The following TNFAIP6 variants were observed in gnomAD, a reference collection of about 807,000 sequenced individuals.
TNFAIP6 encodes the protein tumor necrosis factor-inducible gene 6 protein.
Under a neutral mutation model 33.7 loss-of-function variants are expected in TNFAIP6, and 36 were observed. The observed-to-expected ratio is 1.07, with a 90% confidence interval of 0.82 to 1.41. The LOEUF (loss-of-function observed/expected upper bound fraction) is 1.41. Ranked by LOEUF, TNFAIP6 falls within the 40% of genes most tolerant of loss-of-function variation. TNFAIP6 has a pLI of 0.00. For missense variants in TNFAIP6, 273 were observed against 331.9 expected (o/e 0.82, Z 1.38); for synonymous variants, 113 against 112.8 (o/e 1.00, Z -0.01).
At chr2:151,367,039 G>T (rs1684724889) in intron 3 of TNFAIP6, among the ~76,000 whole-genome samples, 1 of 152,128 alleles carries the variant, frequency 6.6e-6, no homozygotes, top group Non-Finnish European at 1.5e-5. Flanking sequence ...AACATCCTCA[G>T]ATGTGTCCCA....
downstream of TNFAIP6, among the ~76,000 whole-genome samples, chr2:151,381,142 C>G (rs1424925065): frequency 6.6e-6 from 1 of 152,018 alleles, no homozygotes; most frequent in Non-Finnish European, 1.5e-5. Flanking sequence ...CATCTTCCCT[C>G]TTGCCCCAAG....
At chr2:151,381,193 C>T (rs1223614895), downstream of TNFAIP6, among the ~76,000 whole-genome samples, 4 of 152,042 alleles carry the variant, frequency 2.6e-5, no homozygotes, top group South Asian at 2.1e-4. Context: ...CAGAATTCAC[C>T]GGGCGCAGTG....
In TNFAIP6 at chr2:151,369,501, C is replaced by A. The variant is rs987305024; in HGVS notation, c.395-519C>A. On this transcript the variant is annotated intron_variant, in intron 3 of 5. Coordinates refer to ENST00000243347, the MANE Select transcript of TNFAIP6 (RefSeq NM_007115.4). ...CTTTTTTAAAATTCATGGCTGGGCA[C>A]AGTGGCTCATGTTTATAATCTCAGC... Among the ~76,000 whole-genome samples, 14 of 152,148 alleles carry A rather than the reference C, an allele frequency of 9.2e-5. 1 individual carries two copies. The highest frequency in any genetic ancestry group is 6.2e-4 in the South Asian group (3 of 4,816).
intron 5 of TNFAIP6, among the ~76,000 whole-genome samples, chr2:151,375,592 C>T (rs1453983019): frequency 6.6e-6 from 1 of 152,030 alleles, no homozygotes; most frequent in Non-Finnish European, 1.5e-5. Context: ...CCTGTAGTCC[C>T]AGCCACTTGG....
At position 151,379,488 on chromosome 2, in the gene TNFAIP6, T is replaced by G. The variant is rs780170404; in HGVS notation, c.789T>G (p.Ser263=). The G allele has an allele frequency of 6.3e-7, 1 of 1,583,036 alleles. No individual in the cohort carries two copies. The highest frequency in any genetic ancestry group is 1.2e-5 in the South Asian group (1 of 85,070). ...AAGGAAAAAATACAAGTACTACTTC[T>G]ACTGGAAATAAAAACTTTTTAGCTG... ...SSQGKNTSTT[S]TGNKNFLAGR... is the part of the protein sequence containing the mutation. The change falls in exon 6 of 6, where the codon TCT becomes TCG. Residue 263 remains serine (S), a synonymous_variant. Coordinates refer to ENST00000243347, the MANE Select transcript of TNFAIP6 (RefSeq NM_007115.4).
At chr2:151,370,326 T>C (rs1040247009) in intron 4 of TNFAIP6, 78 bp downstream of exon 4, 28 of 1,041,716 alleles carry the variant, frequency 2.7e-5, no homozygotes, top group Non-Finnish European at 4.0e-5. Context: ...TTCCCTCAAC[T>C]GTCCCTATAA....
At chr2:151,370,470 C>A (rs139736112) in intron 4 of TNFAIP6, among the ~76,000 whole-genome samples, 4 of 149,784 alleles carry the variant, frequency 2.7e-5, no homozygotes, top group African/African-American at 1.0e-4. Flanking sequence ...GTTGTAAGAA[C>A]TAGTTAGTCT....
intron 5 of TNFAIP6, 45 bp downstream of exon 5, chr2:151,373,634 C>CAT: frequency 8.1e-7 from 1 of 1,227,716 alleles, no homozygotes; most frequent in African/African-American, 1.5e-5. Flanking sequence ...TGTTTCTTTA[C>CAT]AGTGTCCCTG....
At chr2:151,376,463 A>AATC (rs1403804102) in intron 5 of TNFAIP6, among the ~76,000 whole-genome samples, 4 of 151,692 alleles carry the variant, frequency 2.6e-5, no homozygotes, top group Admixed American at 6.6e-5. Flanking sequence ...AATTGTCCAT[A>AATC]ATCCTACCAC....
intron 1 of TNFAIP6, among the ~76,000 whole-genome samples, chr2:151,363,531 G>A (rs960836282): frequency 1.8e-4 from 27 of 150,126 alleles, no homozygotes; most frequent in African/African-American, 5.6e-4. Flanking sequence ...GCGTGATGGC[G>A]GGCACCTGTA....
Position 151,366,198 on chromosome 2 carries a change from C to T in TNFAIP6, c.375C>T (p.Ala125=), listed in dbSNP as rs2152014293. 1 of 1,614,032 alleles carries T rather than the reference C, an allele frequency of 6.2e-7. No individual in the cohort carries two copies. The highest frequency in any genetic ancestry group is 2.2e-5 in the East Asian group (1 of 44,872). ...TCAATAGGAGTGAAAGATGGGATGC[C>T]TATTGCTACAACCCACACGGTGTGT... ...IRLNRSERWD[A]YCYNPHAKEC... Residue 125 remains alanine, a synonymous_variant, in exon 3 of 6, where the codon GCC becomes GCT. Coordinates refer to ENST00000243347, the MANE Select transcript of TNFAIP6 (RefSeq NM_007115.4).
intron 2 of TNFAIP6, among the ~76,000 whole-genome samples, chr2:151,364,454 A>G (rs1684678999): frequency 6.6e-6 from 1 of 152,220 alleles, no homozygotes; most frequent in Admixed American, 6.5e-5. Flanking sequence ...ATAGTACTAT[A>G]TTGAGTCTTA....
Position 151,376,355 on chromosome 2 carries a change from G to C in TNFAIP6, c.664+2766G>C, listed in dbSNP as rs13389461. On this transcript the variant is annotated intron_variant, in intron 5 of 5. Coordinates refer to ENST00000243347, the MANE Select transcript of TNFAIP6 (RefSeq NM_007115.4). ...ATCACCTCAGTCCAGGGAGGTCAAG[G>C]CTGTAGTGAGCCATGATCATGCCAC... is the stretch of plus-strand genomic sequence containing the variant. Among the ~76,000 whole-genome samples the C allele has an allele frequency of 7.3e-3, 1,100 of 151,278 alleles. 16 individuals carry two copies. The highest frequency in any genetic ancestry group is 0.026 in the African/African-American group (1,053 of 41,184).
chr2:151,363,700 C>CA (rs1365146951), intron 1 of TNFAIP6, among the ~76,000 whole-genome samples: 2 of 151,974 alleles, frequency 1.3e-5, no homozygotes, highest in East Asian at 1.9e-4. Context: ...ACCAAACAAA[C>CA]AAAAAAACAT....
rs577745254 is a variant in TNFAIP6 at position 151,369,223 on chromosome 2, A to G, written c.395-797A>G. 1.6e-4 allele frequency among the ~76,000 whole-genome samples: 24 copies of G among 152,324 alleles called. No homozygotes were observed. In the South Asian group the frequency reaches 5.0e-3, roughly 32 times the overall value. ...ACAACAACAAAAAATAGGCGTGTGC[A>G]CAAAAGACTTGTTATGTTATGCCTT... On this transcript the variant is annotated intron_variant, in intron 3 of 5. Coordinates refer to ENST00000243347, the MANE Select transcript of TNFAIP6 (RefSeq NM_007115.4).
At chr2:151,380,653 T>A (rs1459779329), downstream of TNFAIP6, among the ~76,000 whole-genome samples, 2 of 152,176 alleles carry the variant, frequency 1.3e-5, no homozygotes, top group Non-Finnish European at 2.9e-5. Flanking sequence ...AGCAGACTGG[T>A]TGTTTCAAAG....
At chr2:151,378,078 T>TCA (rs1170222357) in intron 5 of TNFAIP6, among the ~76,000 whole-genome samples, 5 of 152,130 alleles carry the variant, frequency 3.3e-5, no homozygotes, top group African/African-American at 1.2e-4. Flanking sequence ...CTGCTTTTGT[T>TCA]TATATATATT....
chr2:151,364,172 C>T, intron 2 of TNFAIP6, 92 bp downstream of exon 2: 2 of 1,444,320 alleles, frequency 1.4e-6, no homozygotes, highest in Non-Finnish European at 1.9e-6. Context: ...CTTTCTCCAA[C>T]CCCCTTCTGA....
intron 5 of TNFAIP6, among the ~76,000 whole-genome samples, chr2:151,378,059 G>A (rs893955957): frequency 6.6e-6 from 1 of 152,124 alleles, no homozygotes; most frequent in African/African-American, 2.4e-5. Context: ...CATTAGGAAT[G>A]TATATACTCT....
Sources: gnomAD v4.1 joint callset for allele counts (sites outside exome capture counted in the v4.1 genomes callset) on GRCh38, gnomAD v4.1.1 for gene constraint, MANE v1.5 for transcripts, NCBI Gene and HGNC (gene_info 2026-07-23, HGNC 2026-07-21) for gene names.